CRYBA4: variants seen among roughly 807,000 people sequenced by gnomAD.
CRYBA4 encodes beta-crystallin A4.
CRYBA4 carries 30 observed loss-of-function variants against 31.7 expected under a neutral mutation model. That is an observed-to-expected ratio of 0.95 (90% CI 0.71 to 1.28). The LOEUF is 1.28. CRYBA4 is among the 50% of genes most tolerant of loss of function. CRYBA4 has a pLI of 0.00. For missense variants in CRYBA4, 225 were observed against 260.7 expected (o/e 0.86, Z 0.94); for synonymous variants, 102 against 102.3 (o/e 1.00, Z 0.02).
the CRYBA4 span, among the ~76,000 whole-genome samples, chr22:26,592,511 C>G: frequency 5.3e-5 from 8 of 152,202 alleles, no homozygotes; most frequent in Non-Finnish European, 5.9e-5. Context: ...GCACTGGTCA[C>G]AGAATCTAGC....
chr22:26,590,287 A>AC, the CRYBA4 span: 1 of 143,202 alleles, frequency 7.0e-6, no homozygotes, highest in African/African-American at 2.6e-5. Context: ...CGCCCCGGGA[A>AC]CCCCGCCCCG....
the CRYBA4 span, among the ~76,000 whole-genome samples, chr22:26,603,732 C>T: frequency 6.7e-6 from 1 of 148,694 alleles, no homozygotes; most frequent in Admixed American, 6.9e-5. Flanking sequence ...GGAGAAACCC[C>T]ATCTCTACTA....
intron 1 of CRYBA4, among the ~76,000 whole-genome samples, chr22:26,622,221 A>G (rs1929552149): frequency 6.6e-6 from 1 of 151,988 alleles, no homozygotes; most frequent in African/African-American, 2.4e-5. Context: ...TACCTCTTTG[A>G]GCTAGGTGCT....
the CRYBA4 span, among the ~76,000 whole-genome samples, chr22:26,611,739 G>A: frequency 1.3e-5 from 2 of 152,140 alleles, no homozygotes; most frequent in Admixed American, 1.3e-4. Flanking sequence ...CTCCCAAAGT[G>A]CTGGGATTAC....
At chr22:26,590,463 G>T in the CRYBA4 span, among the ~76,000 whole-genome samples, 725 of 152,284 alleles carry the variant, frequency 4.8e-3, 4 homozygotes, top group African/African-American at 0.017. Context: ...CCCGCAGCGG[G>T]GTGTATTCGT....
the CRYBA4 span, among the ~76,000 whole-genome samples, chr22:26,594,917 G>A: frequency 6.6e-6 from 1 of 152,144 alleles, no homozygotes; most frequent in Non-Finnish European, 1.5e-5. Flanking sequence ...TAGTTTGAAG[G>A]CAAAAGTGTG....
the CRYBA4 span, among the ~76,000 whole-genome samples, chr22:26,598,971 A>G: frequency 6.6e-6 from 1 of 152,120 alleles, no homozygotes; most frequent in Non-Finnish European, 1.5e-5. Context: ...CCTTGGGAAA[A>G]TCACTTCCCC....
intron 4 of CRYBA4, among the ~76,000 whole-genome samples, chr22:26,627,357 C>T (rs868248887): frequency 3.7e-4 from 12 of 32,804 alleles, no homozygotes; most frequent in South Asian, 3.7e-3. Context: ...CCCTCCCTCC[C>T]TCCTTTCTTT....
the CRYBA4 span, among the ~76,000 whole-genome samples, chr22:26,599,844 C>G: frequency 6.6e-6 from 1 of 152,248 alleles, no homozygotes; most frequent in Non-Finnish European, 1.5e-5. Context: ...GACTTTGCCT[C>G]TCTGATAGGC....
upstream of CRYBA4, among the ~76,000 whole-genome samples, chr22:26,617,408 T>C (rs928875451): frequency 6.6e-6 from 1 of 152,218 alleles, no homozygotes; most frequent in African/African-American, 2.4e-5. Context: ...GCGGAGCTAG[T>C]TGGGATAAGC....
chr22:26,598,135 G>T, the CRYBA4 span, among the ~76,000 whole-genome samples: 6 of 151,390 alleles, frequency 4.0e-5, no homozygotes, highest in East Asian at 3.9e-4. Context: ...TGCCTGCCTC[G>T]GCCTCCCGAA....
chr22:26,623,957 C>T (rs1035963800), intron 3 of CRYBA4, among the ~76,000 whole-genome samples: 2 of 152,170 alleles, frequency 1.3e-5, no homozygotes, highest in Admixed American at 1.3e-4. Flanking sequence ...CAGATGTGAC[C>T]ATTGAGGATT....
the CRYBA4 span, among the ~76,000 whole-genome samples, chr22:26,592,142 A>G: frequency 6.6e-6 from 1 of 152,206 alleles, no homozygotes; most frequent in Non-Finnish European, 1.5e-5. Flanking sequence ...CGTGCATGTT[A>G]GAGACTTCAT....
chr22:26,593,963 C>A, the CRYBA4 span, among the ~76,000 whole-genome samples: 6 of 152,214 alleles, frequency 3.9e-5, no homozygotes, highest in African/African-American at 1.4e-4. Context: ...GAAACAGAGG[C>A]TCCAGCAGGT....
chr22:26,618,512 A>C (rs1929435880), upstream of CRYBA4, among the ~76,000 whole-genome samples: 2 of 150,134 alleles, frequency 1.3e-5, no homozygotes, highest in African/African-American at 5.1e-5. Context: ...GCGTTTTGTA[A>C]AGGCAGATGT....
chr22:26,623,804 A>G (rs1929619840), intron 3 of CRYBA4, among the ~76,000 whole-genome samples: 1 of 151,948 alleles, frequency 6.6e-6, no homozygotes, highest in Non-Finnish European at 1.5e-5. Context: ...AGAGAGTGAG[A>G]GAGAGAGATT....
intron 4 of CRYBA4, among the ~76,000 whole-genome samples, chr22:26,626,734 A>T (rs1196896477): frequency 6.6e-6 from 1 of 152,190 alleles, no homozygotes; most frequent in Non-Finnish European, 1.5e-5. Context: ...AAAGTTTTAG[A>T]TTTTGGAGCA....
intron 1 of CRYBA4, 138 bp from the exon 2 acceptor site, chr22:26,622,447 C>A: frequency 1.3e-6 from 1 of 741,592 alleles, no homozygotes; most frequent in Non-Finnish European, 2.5e-6. Flanking sequence ...GAGGGACAGG[C>A]CAAAGCCATG....
At chr22:26,611,649 T>C in the CRYBA4 span, among the ~76,000 whole-genome samples, 1 of 151,778 alleles carries the variant, frequency 6.6e-6, no homozygotes, top group African/African-American at 2.4e-5. Context: ...TAATTTTTTG[T>C]ATTTTTAGTA....
Sources: gnomAD v4.1 joint callset for allele counts (sites outside exome capture counted in the v4.1 genomes callset) on GRCh38, gnomAD v4.1.1 for gene constraint, MANE v1.5 for transcripts, NCBI Gene and HGNC (gene_info 2026-07-23, HGNC 2026-07-21) for gene names.